Variants in EHBP1 observed in about 807,000 individuals in gnomAD.
EHBP1 encodes the protein EH domain-binding protein 1.
A neutral mutation model predicts 144.0 loss-of-function variants in EHBP1; 55 were observed. That is an observed-to-expected ratio of 0.38 (90% CI 0.31 to 0.48). EHBP1 has a LOEUF of 0.48. EHBP1 is among the 20% of genes least tolerant of loss of function. The pLI, the probability that EHBP1 is intolerant of heterozygous loss-of-function variation, is 0.98. For missense variants in EHBP1, 1,200 were observed against 1,364.2 expected, an observed-to-expected ratio of 0.88 and a Z score of 1.90; for synonymous variants, 469 against 472.7, an observed-to-expected ratio of 0.99 and a Z score of 0.10.
At chr2:63,033,086 T>C (rs1225943271) in intron 19 of EHBP1, among the ~76,000 whole-genome samples, 1 of 152,212 alleles carries the variant, frequency 6.6e-6, no homozygotes, top group East Asian at 1.9e-4. Flanking sequence ...AAATATTTTC[T>C]AAAACTGAGG....
intron 15 of EHBP1, chr2:62,988,131 T>A: frequency 1.4e-6 from 1 of 727,958 alleles, no homozygotes; most frequent in Non-Finnish European, 2.3e-6. Flanking sequence ...AATAATTTTG[T>A]AGTTTTATTA....
upstream of EHBP1, among the ~76,000 whole-genome samples, chr2:62,704,205 T>C (rs1352607802): frequency 2.6e-5 from 4 of 152,252 alleles, no homozygotes; most frequent in Non-Finnish European, 4.4e-5. Flanking sequence ...TAGAATTGAC[T>C]AGCAAAATAA....
At chr2:62,844,140 T>C (rs1448317901) in intron 7 of EHBP1, among the ~76,000 whole-genome samples, 1 of 152,218 alleles carries the variant, frequency 6.6e-6, no homozygotes, top group Non-Finnish European at 1.5e-5. Context: ...TCACGGTTAT[T>C]CATGTAGTGA....
At chr2:62,817,753 A>G (rs1221711774) in intron 5 of EHBP1, among the ~76,000 whole-genome samples, 1 of 152,062 alleles carries the variant, frequency 6.6e-6, no homozygotes, top group East Asian at 1.9e-4. Flanking sequence ...ATTGTGTGAG[A>G]GTGTGTGCGT....
At chr2:62,935,052 G>A (rs571275865) in intron 10 of EHBP1, among the ~76,000 whole-genome samples, 5 of 151,982 alleles carry the variant, frequency 3.3e-5, no homozygotes, top group East Asian at 3.9e-4. Flanking sequence ...CATCTTGGCC[G>A]GGCACGGTGG....
intron 5 of EHBP1, among the ~76,000 whole-genome samples, chr2:62,824,287 ATTTG>A (rs906848969): frequency 3.3e-5 from 5 of 152,022 alleles, no homozygotes; most frequent in African/African-American, 4.8e-5. Context: ...TGTGAAACAG[ATTTG>A]TTTAACAAAA....
In EHBP1 at chr2:62,777,660, A is replaced by G. The variant is rs144144362; in HGVS notation, c.312+6268A>G. 3.8e-3 allele frequency among the ~76,000 whole-genome samples: 583 copies of G among 152,310 alleles called. 2 individuals are homozygous for G. The highest frequency in any genetic ancestry group is 0.013 in the African/African-American group (553 of 41,564). On this transcript the variant is annotated intron_variant, in intron 5 of 22. Coordinates refer to ENST00000431489, the MANE Select transcript of EHBP1 (RefSeq NM_001142616.3). ...ATAAAATAATCTTTAAACCAATGAT[A>G]ACTTATATTTGATGACATAAGATAA...
intron 5 of EHBP1, among the ~76,000 whole-genome samples, chr2:62,777,819 G>A (rs2042150692): frequency 6.6e-6 from 1 of 152,042 alleles, no homozygotes; most frequent in Non-Finnish European, 1.5e-5. Context: ...TGGAGGAAGT[G>A]GCTACAGAGT....
intron 15 of EHBP1, among the ~76,000 whole-genome samples, chr2:62,984,781 A>G (rs2059118754): frequency 6.6e-6 from 1 of 152,196 alleles, no homozygotes; most frequent in Admixed American, 6.5e-5. Context: ...AGCAGTACCT[A>G]TATGAACATT....
At chr2:62,879,635 T>G (rs554465783) in intron 10 of EHBP1, among the ~76,000 whole-genome samples, 1 of 149,240 alleles carries the variant, frequency 6.7e-6, no homozygotes, top group East Asian at 2.0e-4. Context: ...AGAGAGCCTA[T>G]GAATACAGCT....
At chr2:62,689,775 G>A (rs1402728052) in intron 1 of EHBP1, among the ~76,000 whole-genome samples, 1 of 152,116 alleles carries the variant, frequency 6.6e-6, no homozygotes, top group East Asian at 1.9e-4. Flanking sequence ...ACTTTTTCCT[G>A]ATGAAACCAT....
chr2:62,732,025 C>G (rs957153357), intron 2 of EHBP1, among the ~76,000 whole-genome samples: 9 of 151,964 alleles, frequency 5.9e-5, no homozygotes, highest in African/African-American at 9.7e-5. Flanking sequence ...TTTTATTTCA[C>G]TCTCTTCCTG....
At chr2:62,683,675 A>C (rs1246505228) in intron 1 of EHBP1, among the ~76,000 whole-genome samples, 2 of 151,272 alleles carry the variant, frequency 1.3e-5, no homozygotes, top group Non-Finnish European at 2.9e-5. Context: ...AAAAAAAAAA[A>C]AAAAAAAGAT....
intron 5 of EHBP1, among the ~76,000 whole-genome samples, chr2:62,782,531 C>T (rs1157703543): frequency 6.6e-6 from 1 of 152,088 alleles, no homozygotes; most frequent in Non-Finnish European, 1.5e-5. Context: ...GTTTAATTGA[C>T]CCACAGTTCC....
At chr2:62,872,456 T>A (rs1332800201) in intron 9 of EHBP1, among the ~76,000 whole-genome samples, 7 of 152,160 alleles carry the variant, frequency 4.6e-5, no homozygotes, top group African/African-American at 1.7e-4. Flanking sequence ...TTTATTTGCT[T>A]ACATTTATTT....
chr2:62,734,729 T>A (rs1170894831), intron 2 of EHBP1, among the ~76,000 whole-genome samples: 1 of 152,130 alleles, frequency 6.6e-6, no homozygotes, highest in African/African-American at 2.4e-5. Flanking sequence ...TTTTTTCCAC[T>A]CTTTTTCTGT....
chr2:62,934,700 A>G (rs2056246441), intron 10 of EHBP1, among the ~76,000 whole-genome samples: 1 of 152,218 alleles, frequency 6.6e-6, no homozygotes, highest in Admixed American at 6.5e-5. Context: ...CCCAAGGGAC[A>G]TGCTTGGTTA....
chr2:62,975,541 T>C (rs1019082062), intron 14 of EHBP1, among the ~76,000 whole-genome samples: 19 of 152,206 alleles, frequency 1.2e-4, no homozygotes, highest in African/African-American at 4.6e-4. Context: ...GAATCATTCA[T>C]TATGATTTGC....
intron 5 of EHBP1, among the ~76,000 whole-genome samples, chr2:62,805,912 G>T (rs2044412471): frequency 6.6e-6 from 1 of 152,080 alleles, no homozygotes; most frequent in Non-Finnish European, 1.5e-5. Flanking sequence ...GCTGCATTTA[G>T]AACCTTTATG....
Sources: gnomAD v4.1 joint callset for allele counts (sites outside exome capture counted in the v4.1 genomes callset) on GRCh38, gnomAD v4.1.1 for gene constraint, MANE v1.5 for transcripts, NCBI Gene and HGNC (gene_info 2026-07-23, HGNC 2026-07-21) for gene names.